The following CACNA1E variants were observed in gnomAD, a reference collection of about 807,000 sequenced individuals.
CACNA1E encodes calcium voltage-gated channel subunit alpha1 E.
Under a neutral mutation model 259.2 loss-of-function variants are expected in CACNA1E, and 40 were observed. The ratio of observed to expected loss-of-function variants is 0.15; its 90% CI spans 0.12 to 0.20. The LOEUF (loss-of-function observed/expected upper bound fraction) is 0.20. Ranked by LOEUF, CACNA1E falls within the 10% of genes least tolerant of loss-of-function variation. The pLI is 1.00. For synonymous variants in CACNA1E, 1,104 were observed against 1,138.5 expected (o/e 0.97, Z 0.61); for missense variants, 1,874 against 3,040.1 (o/e 0.62, Z 9.02).
chr1:181,657,939 A>T (rs578198206), intron 7 of CACNA1E, among the ~76,000 whole-genome samples: 1 of 152,342 alleles, frequency 6.6e-6, no homozygotes, highest in Admixed American at 6.5e-5. Context: ...CAGTACCTAC[A>T]ACTCCAATGT....
At chr1:181,642,831 C>G (rs1383275427) in intron 6 of CACNA1E, among the ~76,000 whole-genome samples, 1 of 152,248 alleles carries the variant, frequency 6.6e-6, no homozygotes, top group Non-Finnish European at 1.5e-5. Context: ...CCTGGCCCCC[C>G]AGAGCATCTG....
At chr1:181,332,984 G>A (rs1228771952) in intron 1 of CACNA1E, among the ~76,000 whole-genome samples, 1 of 152,156 alleles carries the variant, frequency 6.6e-6, no homozygotes, top group African/African-American at 2.4e-5. Context: ...TGGAAAGGCA[G>A]GCCTAGGGCT....
At chr1:181,673,563 G>C (rs746342148) in intron 7 of CACNA1E, among the ~76,000 whole-genome samples, 6 of 152,214 alleles carry the variant, frequency 3.9e-5, no homozygotes, top group Non-Finnish European at 8.8e-5. Context: ...TCCAAGGTGA[G>C]TGAGTTAGAA....
At chr1:181,796,348 C>T (rs903374082) in intron 46 of CACNA1E, among the ~76,000 whole-genome samples, 6 of 152,072 alleles carry the variant, frequency 3.9e-5, no homozygotes, top group Non-Finnish European at 7.4e-5. Flanking sequence ...AATCCAAGAC[C>T]AAGGTACCAG....
At position 181,732,759 on chromosome 1, in the gene CACNA1E, C is replaced by T; in HGVS notation, c.2673C>T (p.Asn891=). 2 of 1,572,202 alleles carry T rather than the reference C, an allele frequency of 1.3e-6. No individual in the cohort carries two copies. The highest frequency in any genetic ancestry group is 1.7e-6 in the Non-Finnish European group (2 of 1,159,430). The change falls in exon 20 of 48, where the codon AAC becomes AAT. Residue 891 remains asparagine (N), a synonymous_variant. Transcript: ENST00000367573. This position sits in a 1 kb window ranked among gnomAD's most constrained non-coding sequence, Gnocchi z 5.5. ...GGCTGGCCAGGCCCTGTCATGGAAA[C>T]TGTGACCCGACTCAGCAGGAGGCAG... The part of the protein sequence containing the change: ...PPWLARPCHG[N]CDPTQQEAGG...
At chr1:181,376,437 T>G (rs778671295) in intron 1 of CACNA1E, among the ~76,000 whole-genome samples, 1 of 152,232 alleles carries the variant, frequency 6.6e-6, no homozygotes, top group Non-Finnish European at 1.5e-5. Flanking sequence ...AGTATAGCAG[T>G]GCAGAATATG....
intron 2 of CACNA1E, among the ~76,000 whole-genome samples, chr1:181,440,917 G>T (rs1441284371): frequency 1.3e-5 from 2 of 148,758 alleles, no homozygotes; most frequent in Non-Finnish European, 3.0e-5. Flanking sequence ...GGAGGTCGAG[G>T]CTGCAGTGAG....
intron 1 of CACNA1E, among the ~76,000 whole-genome samples, chr1:181,331,645 C>G (rs1651272658): frequency 6.6e-6 from 1 of 152,202 alleles, no homozygotes; most frequent in Non-Finnish European, 1.5e-5. Flanking sequence ...CAAAATAATG[C>G]TTTACCAGTT....
intron 27 of CACNA1E, among the ~76,000 whole-genome samples, chr1:181,753,873 G>T (rs1466419185): frequency 1.3e-5 from 2 of 152,182 alleles, no homozygotes; most frequent in Non-Finnish European, 2.9e-5. Flanking sequence ...CTGAAACCTG[G>T]CTACCTTTCA....
chr1:181,805,769 T>G lies in CACNA1E; in HGVS notation c.*6935T>G, dbSNP rs780600414. On this transcript the variant is annotated 3_prime_UTR_variant, in exon 48 of 48. Transcript: ENST00000367573. ...ACTCCGCTCAAACTGAGTCCAAGAT[T>G]TGAATTCATCCAGAAAAACAAATGG... The G allele has an allele frequency of 4.6e-5, 7 of 152,198 alleles. No homozygotes were observed. Among genetic ancestry groups the G allele is most frequent in the Non-Finnish European group, 1.0e-4 (7 of 68,036 alleles). The allele number at this position is 152,198 out of a possible 1,614,324, so 9.4% of individuals were successfully genotyped here.
At chr1:181,564,945 G>A (rs1250408667) in intron 3 of CACNA1E, among the ~76,000 whole-genome samples, 1 of 151,696 alleles carries the variant, frequency 6.6e-6, no homozygotes, top group African/African-American at 2.4e-5. Flanking sequence ...AGGAAACCAT[G>A]CTGTAAAGAG....
At chr1:181,447,653 T>A (rs1660879584) in intron 2 of CACNA1E, among the ~76,000 whole-genome samples, 1 of 152,226 alleles carries the variant, frequency 6.6e-6, no homozygotes, top group South Asian at 2.1e-4. Flanking sequence ...AAATTTATTA[T>A]CTTACAATTC....
At chr1:181,664,185 G>A (rs533388353) in intron 7 of CACNA1E, among the ~76,000 whole-genome samples, 2 of 152,172 alleles carry the variant, frequency 1.3e-5, no homozygotes, top group Non-Finnish European at 2.9e-5. Context: ...GTGATTTTAG[G>A]ACTCCCAGTC....
chr1:181,797,295 G>C (rs1661896128), intron 47 of CACNA1E, among the ~76,000 whole-genome samples: 2 of 152,300 alleles, frequency 1.3e-5, no homozygotes, highest in South Asian at 4.1e-4. Context: ...AGCCGTCCCA[G>C]CAAGATCATG....
At chr1:181,709,105 C>T (rs1431543148) in intron 7 of CACNA1E, among the ~76,000 whole-genome samples, 2 of 152,138 alleles carry the variant, frequency 1.3e-5, no homozygotes, top group Admixed American at 6.5e-5. Context: ...GACAATGGTA[C>T]TAACTGGACA....
At chr1:181,790,345 C>T (rs1168910502) in intron 43 of CACNA1E, 100 bp from the exon 44 acceptor site, 1 of 535,824 alleles carries the variant, frequency 1.9e-6, no homozygotes, top group Non-Finnish European at 3.3e-6. Flanking sequence ...ACTAGGTTTA[C>T]AAAAGCCAGC....
At chr1:181,321,724 A>G (rs1174643833) in intron 1 of CACNA1E, among the ~76,000 whole-genome samples, 1 of 152,162 alleles carries the variant, frequency 6.6e-6, no homozygotes. Context: ...CAAGAACAGC[A>G]TGGCTGGGGG....
intron 6 of CACNA1E, among the ~76,000 whole-genome samples, chr1:181,615,548 T>A (rs1380033210): frequency 1.3e-5 from 2 of 152,228 alleles, no homozygotes; most frequent in African/African-American, 2.4e-5. Context: ...TTTAAAGTTC[T>A]GTTTTCTAGT....
intron 3 of CACNA1E, among the ~76,000 whole-genome samples, chr1:181,520,167 G>A (rs968706215): frequency 1.3e-5 from 2 of 152,148 alleles, no homozygotes; most frequent in Admixed American, 1.3e-4. Context: ...AGGCAATAGT[G>A]ATATTATCTC....
Sources: allele counts gnomAD v4.1 joint callset (sites outside exome capture counted in the v4.1 genomes callset), GRCh38; gene constraint gnomAD v4.1.1; non-coding constraint Gnocchi (gnomAD v3.1); transcripts MANE v1.5; gene names NCBI Gene and HGNC (gene_info 2026-07-23, HGNC 2026-07-21).